Variants in RSU1 observed in about 807,000 individuals in gnomAD.
RSU1 encodes rsu-1.
RSU1 carries 26 observed loss-of-function variants against 31.1 expected under a neutral mutation model. The observed-to-expected ratio is 0.84, with a 90% CI of 0.61 to 1.16. The LOEUF (loss-of-function observed/expected upper bound fraction) is 1.16. Among genes scored for constraint, RSU1 ranks in the 50% most tolerant of loss-of-function variants. The pLI, the probability that RSU1 is intolerant of heterozygous loss-of-function variation, is 0.00. For missense variants in RSU1, 320 were observed against 339.1 expected, an observed-to-expected ratio of 0.94 and a Z score of 0.44; for synonymous variants, 164 against 136.3, an observed-to-expected ratio of 1.20 and a Z score of -1.41.
At chr10:16,696,266 C>CCAGT (rs1288005997) in intron 7 of RSU1, among the ~76,000 whole-genome samples, 1 of 152,172 alleles carries the variant, frequency 6.6e-6, no homozygotes, top group Non-Finnish European at 1.5e-5. Context: ...CCAGGTTCTA[C>CCAGT]TGCCTATGTT....
intron 8 of RSU1, among the ~76,000 whole-genome samples, chr10:16,612,954 C>T (rs183441875): frequency 6.6e-6 from 1 of 151,864 alleles, no homozygotes; most frequent in African/African-American, 2.4e-5. Context: ...TTATCTTCCA[C>T]TCAGTTCACA....
At chr10:16,596,055 C>T (rs2131451948) in intron 8 of RSU1, among the ~76,000 whole-genome samples, 1 of 152,246 alleles carries the variant, frequency 6.6e-6, no homozygotes, top group South Asian at 2.1e-4. Context: ...TCACGGGTCC[C>T]CCTGAAGACG....
intron 3 of RSU1, among the ~76,000 whole-genome samples, chr10:16,772,564 C>T (rs1173078853): frequency 3.6e-5 from 5 of 137,876 alleles, no homozygotes; most frequent in African/African-American, 5.6e-5. Context: ...TGACATCCAG[C>T]GAAGGGTAAG....
chr10:16,752,740 C>T (rs1837004924), intron 6 of RSU1, 87 bp from the exon 7 acceptor site: 1 of 1,109,106 alleles, frequency 9.0e-7, no homozygotes, highest in Non-Finnish European at 1.4e-6. Flanking sequence ...CTCTCTTCTA[C>T]TAAAGCTCAA....
chr10:16,599,566 C>T (rs559490740), intron 8 of RSU1, among the ~76,000 whole-genome samples: 13 of 152,334 alleles, frequency 8.5e-5, no homozygotes, highest in African/African-American at 2.9e-4. Context: ...GGGAACCTCC[C>T]TCACCTCCCA....
chr10:16,749,255 C>T (rs1021635850), intron 7 of RSU1, among the ~76,000 whole-genome samples: 3 of 152,182 alleles, frequency 2.0e-5, no homozygotes, highest in Admixed American at 6.5e-5. Flanking sequence ...TAAAGTAACA[C>T]AATCACGTAT....
intron 2 of RSU1, among the ~76,000 whole-genome samples, chr10:16,811,937 T>C (rs989285958): frequency 6.6e-6 from 1 of 152,196 alleles, no homozygotes; most frequent in African/African-American, 2.4e-5. Context: ...GGGTCAGAAC[T>C]GAGTATTCTC....
At chr10:16,658,876 C>T (rs1477137963) in intron 8 of RSU1, among the ~76,000 whole-genome samples, 1 of 152,134 alleles carries the variant, frequency 6.6e-6, no homozygotes, top group Non-Finnish European at 1.5e-5. Flanking sequence ...AGATTGAGAC[C>T]ATCAGAGTTT....
chr10:16,715,593 T>G (rs975803896), intron 7 of RSU1, among the ~76,000 whole-genome samples: 6 of 152,194 alleles, frequency 3.9e-5, no homozygotes, highest in Non-Finnish European at 8.8e-5. Flanking sequence ...TTGGGCACAC[T>G]TGTCAAAAAA....
chr10:16,776,056 T>C (rs1319096835), intron 3 of RSU1, among the ~76,000 whole-genome samples: 1 of 152,154 alleles, frequency 6.6e-6, no homozygotes, highest in Non-Finnish European at 1.5e-5. Flanking sequence ...TGACAAATAA[T>C]CTATGAAGGA....
chr10:16,728,721 C>T (rs1200816922), intron 7 of RSU1, among the ~76,000 whole-genome samples: 1 of 152,034 alleles, frequency 6.6e-6, no homozygotes, highest in Non-Finnish European at 1.5e-5. Context: ...GATATAATTG[C>T]AGTGGTGCTT....
intron 2 of RSU1, among the ~76,000 whole-genome samples, chr10:16,791,469 A>G (rs973065975): frequency 1.3e-5 from 2 of 152,072 alleles, no homozygotes; most frequent in African/African-American, 4.8e-5. Flanking sequence ...TCTCTACCGA[A>G]GTACAAAAAA....
At chr10:16,630,708 T>C (rs1366174129) in intron 8 of RSU1, among the ~76,000 whole-genome samples, 3 of 152,250 alleles carry the variant, frequency 2.0e-5, no homozygotes, top group East Asian at 1.9e-4. Flanking sequence ...ATCCATTTAA[T>C]TGAAAATATT....
intron 7 of RSU1, among the ~76,000 whole-genome samples, chr10:16,705,066 G>T (rs1018589583): frequency 2.6e-5 from 4 of 151,876 alleles, no homozygotes; most frequent in Non-Finnish European, 4.4e-5. Context: ...CCACCATTCC[G>T]CTTATCTCTG....
chr10:16,645,272 G>A (rs1474681232), intron 8 of RSU1, among the ~76,000 whole-genome samples: 2 of 152,132 alleles, frequency 1.3e-5, no homozygotes, highest in South Asian at 2.1e-4. Context: ...AAATGCAGAA[G>A]TATTCATTCT....
intron 2 of RSU1, among the ~76,000 whole-genome samples, chr10:16,789,571 T>C (rs942564995): frequency 6.6e-6 from 1 of 152,164 alleles, no homozygotes; most frequent in Admixed American, 6.5e-5. Context: ...AACTGAGCTG[T>C]TAGAAAAGAA....
At position 16,754,881 on chromosome 10, in the gene RSU1, G is replaced by A; in HGVS notation, c.390C>T (p.Phe130=). The A allele has an allele frequency of 2.5e-6, 4 of 1,600,204 alleles. No homozygotes were observed. The highest frequency in any genetic ancestry group is 1.3e-5 in the African/African-American group (1 of 74,462). ...TTGAAAGTTTCTTACTCAGGTAGAAGAAGTTTCCAGGAAGAGAATTTTCGC... is the reference window on the plus strand; with the variant it reads ...TTGAAAGTTTCTTACTCAGGTAGAAAAAGTTTCCAGGAAGAGAATTTTCGC... The part of the protein sequence containing the change: ...NLSENSLPGN[F]FYLTTLRALY... Residue 130 remains phenylalanine (F), a synonymous_variant, in exon 5 of 9, where the codon TTC becomes TTT. Transcript: ENST00000345264.
At chr10:16,628,381 T>C (rs1834193917) in intron 8 of RSU1, among the ~76,000 whole-genome samples, 1 of 152,232 alleles carries the variant, frequency 6.6e-6, no homozygotes, top group South Asian at 2.1e-4. Flanking sequence ...ATGCTCACAC[T>C]TCTCAGTAGA....
At chr10:16,740,781 T>C (rs1227494844) in intron 7 of RSU1, among the ~76,000 whole-genome samples, 1 of 152,184 alleles carries the variant, frequency 6.6e-6, no homozygotes, top group Non-Finnish European at 1.5e-5. Flanking sequence ...CTCTGAAATC[T>C]ACAAAACATT....
Sources: allele counts gnomAD v4.1 joint callset (sites outside exome capture counted in the v4.1 genomes callset), GRCh38; gene constraint gnomAD v4.1.1; transcripts MANE v1.5; gene names NCBI Gene and HGNC (gene_info 2026-07-23, HGNC 2026-07-21).